The following NRG1 variants were observed in gnomAD, a reference collection of about 807,000 sequenced individuals.
NRG1 encodes the protein neuregulin 1.
In NRG1, 18 loss-of-function variants were observed where a neutral mutation model predicts 63.8. The ratio of observed to expected loss-of-function variants is 0.28; its 90% confidence interval spans 0.19 to 0.42. NRG1 has a LOEUF of 0.42. NRG1 is among the 10% of genes least tolerant of loss of function. NRG1 has a pLI of 1.00. For missense variants in NRG1, 762 were observed against 814.7 expected (o/e 0.94, Z 0.79); for synonymous variants, 302 against 301.3 (o/e 1.00, Z -0.02).
chr8:31,720,025 T>C (rs1002616155), intron 1 of NRG1, among the ~76,000 whole-genome samples: 1 of 152,176 alleles, frequency 6.6e-6, no homozygotes, highest in Non-Finnish European at 1.5e-5. Context: ...CTTATTTCTG[T>C]GTGAGTGTGA....
intron 1 of NRG1, among the ~76,000 whole-genome samples, chr8:32,318,464 A>C (rs1801010316): frequency 1.3e-5 from 2 of 152,112 alleles, no homozygotes; most frequent in Admixed American, 6.5e-5. Flanking sequence ...TTGCATAAGG[A>C]GACATTGGCA....
chr8:32,764,140 G>A, exon 12 of NRG1: 3 of 1,614,082 alleles, frequency 1.9e-6, no homozygotes, highest in South Asian at 1.1e-5. Flanking sequence ...AAGCCCAATG[G>A]CCACATTGCT....
chr8:32,056,608 C>T (rs1822989517), intron 1 of NRG1, among the ~76,000 whole-genome samples: 1 of 152,118 alleles, frequency 6.6e-6, no homozygotes, highest in South Asian at 2.1e-4. Flanking sequence ...GTATAGTTTA[C>T]TGACCTAACC....
chr8:32,041,670 G>A (rs1820065154), intron 1 of NRG1, among the ~76,000 whole-genome samples: 1 of 152,118 alleles, frequency 6.6e-6, no homozygotes. Flanking sequence ...GAGCCTAAAG[G>A]GCTTTTTTCT....
At chr8:32,690,838 T>C (rs1461384380) in intron 5 of NRG1, among the ~76,000 whole-genome samples, 1 of 152,038 alleles carries the variant, frequency 6.6e-6, no homozygotes, top group Admixed American at 6.6e-5. Flanking sequence ...TAAGGTGATT[T>C]TATTTTATTT....
intron 1 of NRG1, among the ~76,000 whole-genome samples, chr8:31,648,440 C>G (rs1465893824): frequency 6.6e-6 from 1 of 152,120 alleles, no homozygotes; most frequent in South Asian, 2.1e-4. Context: ...CCCTACCTTT[C>G]TTAAGTGTAG....
At chr8:31,975,406 A>T (rs147971835) in intron 1 of NRG1, among the ~76,000 whole-genome samples, 4 of 152,272 alleles carry the variant, frequency 2.6e-5, no homozygotes, top group African/African-American at 9.6e-5. Flanking sequence ...CTGATGAGTT[A>T]GTTTTTAAAG....
chr8:31,932,950 T>C (rs1834985822), intron 1 of NRG1, among the ~76,000 whole-genome samples: 1 of 152,226 alleles, frequency 6.6e-6, no homozygotes, highest in Admixed American at 6.5e-5. Flanking sequence ...CATGAGCATC[T>C]CATGTATAAG....
intron 1 of NRG1, among the ~76,000 whole-genome samples, chr8:31,852,114 G>C (rs903052751): frequency 6.6e-6 from 1 of 151,908 alleles, no homozygotes; most frequent in Non-Finnish European, 1.5e-5. Flanking sequence ...AGTCCTTTGG[G>C]TATATACCCA....
At chr8:32,079,742 G>A (rs1827161963) in intron 1 of NRG1, among the ~76,000 whole-genome samples, 1 of 152,050 alleles carries the variant, frequency 6.6e-6, no homozygotes, top group Non-Finnish European at 1.5e-5. Flanking sequence ...CAAAGTGAAT[G>A]CAGTAAAATT....
intron 1 of NRG1, among the ~76,000 whole-genome samples, chr8:32,188,874 TG>T (rs1842216163): frequency 6.6e-6 from 1 of 152,016 alleles, no homozygotes; most frequent in Non-Finnish European, 1.5e-5. Flanking sequence ...GATGAGTTAA[TG>T]GGTGCAGCAC....
chr8:32,390,621 A>G (rs1431109952), intron 1 of NRG1, among the ~76,000 whole-genome samples: 1 of 150,044 alleles, frequency 6.7e-6, no homozygotes, highest in Non-Finnish European at 1.5e-5. Context: ...AAAAAAAAAG[A>G]AGAAGAAGAA....
chr8:32,521,435 T>C (rs1291610955), intron 1 of NRG1, among the ~76,000 whole-genome samples: 1 of 152,156 alleles, frequency 6.6e-6, no homozygotes, highest in Non-Finnish European at 1.5e-5. Context: ...TGGAACTGGC[T>C]CGTGATGCAA....
At chr8:32,630,315 A>G (rs1359607276) in intron 5 of NRG1, among the ~76,000 whole-genome samples, 1 of 152,234 alleles carries the variant, frequency 6.6e-6, no homozygotes, top group Non-Finnish European at 1.5e-5. Context: ...CCAATTTAGT[A>G]TGATAAAAGG....
intron 1 of NRG1, among the ~76,000 whole-genome samples, chr8:32,483,069 G>A (rs1825502177): frequency 1.3e-5 from 2 of 152,224 alleles, no homozygotes; most frequent in African/African-American, 4.8e-5. Context: ...ATTCATGTCA[G>A]GATGACACTA....
intron 1 of NRG1, among the ~76,000 whole-genome samples, chr8:32,514,870 G>T (rs1239465248): frequency 7.5e-6 from 1 of 133,358 alleles, no homozygotes; most frequent in East Asian, 2.9e-4. Context: ...ACATGTGTAG[G>T]TTTGTTACAC....
At chr8:32,344,350 CTT>C (rs368801167) in intron 1 of NRG1, among the ~76,000 whole-genome samples, 1 of 61,760 alleles carries the variant, frequency 1.6e-5, no homozygotes, top group Admixed American at 1.7e-4. Context: ...TTCTTTCTTT[CTT>C]TCTTTCTTTC....
intron 5 of NRG1, among the ~76,000 whole-genome samples, chr8:32,672,414 C>T (rs1481623438): frequency 1.3e-5 from 2 of 152,102 alleles, no homozygotes; most frequent in Non-Finnish European, 1.5e-5. Flanking sequence ...CCTACCTACT[C>T]GGTATTCTTT....
At chr8:32,022,706 TA>T (rs1816644708) in intron 1 of NRG1, among the ~76,000 whole-genome samples, 1 of 152,208 alleles carries the variant, frequency 6.6e-6, no homozygotes, top group African/African-American at 2.4e-5. Flanking sequence ...AGTCCTTAGA[TA>T]AAAAATAATT....
Sources: allele counts gnomAD v4.1 joint callset (sites outside exome capture counted in the v4.1 genomes callset), GRCh38; gene constraint gnomAD v4.1.1; transcripts MANE v1.5; gene names NCBI Gene and HGNC (gene_info 2026-07-23, HGNC 2026-07-21).